Variants in LAMB1 observed in about 807,000 individuals in gnomAD.
LAMB1 encodes laminin subunit beta 1, also known as laminin subunit beta-1.
Under a neutral mutation model 222.3 loss-of-function variants are expected in LAMB1, and 121 were observed. The ratio of observed to expected loss-of-function variants is 0.54; its 90% CI spans 0.47 to 0.63. The LOEUF (loss-of-function observed/expected upper bound fraction) is 0.63, where lower values mean the gene tolerates loss of function less well. Among genes scored for constraint, LAMB1 ranks in the 30% least tolerant of loss-of-function variants. The pLI is 0.00. For synonymous variants in LAMB1, 794 were observed against 807.2 expected (o/e 0.98, Z 0.28); for missense variants, 2,172 against 2,240.8 (o/e 0.97, Z 0.62).
At position 107,973,698 on chromosome 7, in the gene LAMB1, T is replaced by C. The variant is rs184822697; in HGVS notation, c.1483-627A>G. Among the ~76,000 whole-genome samples, 198 of 152,254 alleles carry C rather than the reference T, an allele frequency of 1.3e-3. 2 individuals are homozygous for C. The highest frequency in any genetic ancestry group is 4.6e-3 in the African/African-American group (190 of 41,538). ...TCTTGCTCTGTTGCCCAGGCTGGAG[T>C]GCAGTGGTGTGATCCCAGCTCACTA... On this transcript the variant is annotated intron_variant, in intron 12 of 33. Coordinates refer to ENST00000222399, the MANE Select transcript of LAMB1 (RefSeq NM_002291.3).
chr7:107,994,200 G>A (rs766418975), intron 5 of LAMB1, among the ~76,000 whole-genome samples: 23 of 152,124 alleles, frequency 1.5e-4, no homozygotes, highest in Non-Finnish European at 1.6e-4. Flanking sequence ...TCATTTCCAG[G>A]CAGCTGCTTA....
At chr7:107,974,779 T>A (rs866473810) in intron 12 of LAMB1, among the ~76,000 whole-genome samples, 1 of 152,248 alleles carries the variant, frequency 6.6e-6, no homozygotes, top group Non-Finnish European at 1.5e-5. Flanking sequence ...GGTATTTTAT[T>A]GTGGCTTTCC....
rs147925769 is a variant in LAMB1 at position 107,931,362 on chromosome 7, A to G, written c.4531T>C (p.Leu1511=). ...RNLIKQIRNF[L]TQDSADLDSI... ...AAATGAAAAAATTTCTTACGGGTCA[A>G]AAAGTTTCTGATTTGCTTGATTAGA... is the stretch of plus-strand genomic sequence containing the variant. Residue 1511 remains leucine, a synonymous_variant, in exon 29 of 34, where the codon TTG becomes CTG. Transcript: ENST00000222399. 6.8e-6 allele frequency: 11 copies of G among 1,612,490 alleles called. No individual in the cohort carries two copies. In the South Asian group the frequency reaches 9.9e-5, roughly 15 times the overall value.
intron 4 of LAMB1, among the ~76,000 whole-genome samples, chr7:107,997,093 T>A (rs2034294127): frequency 6.6e-6 from 1 of 152,134 alleles, no homozygotes. Context: ...ACAAACCAAC[T>A]CTCCTTAGAA....
intron 21 of LAMB1, among the ~76,000 whole-genome samples, chr7:107,954,275 T>C (rs1473431615): frequency 6.6e-6 from 1 of 152,020 alleles, no homozygotes; most frequent in Non-Finnish European, 1.5e-5. Flanking sequence ...CCACTTCAGC[T>C]TTCCCAGCAG....
chr7:107,964,509 C>CA (rs760545144), intron 14 of LAMB1, 43 bp downstream of exon 14: 2 of 1,612,668 alleles, frequency 1.2e-6, no homozygotes, highest in South Asian at 2.2e-5. Context: ...CACTACACCC[C>CA]AAAACACTGC....
rs753010054 is a variant in LAMB1, at chr7:107,959,827, T to A, written c.2322A>T (p.Glu774Asp). ...AACTTAACGAACCCTGAGGGTCGCA[T>A]TCACAAGCTGTGGGTAAAGAGAGGC... ...ALLHQTGLAC[E>D]CDPQGSLSSV... Residue 774 changes from glutamate to aspartate, a missense_variant, in exon 19 of 34, where the codon GAA becomes GAT. Coordinates refer to ENST00000222399, the MANE Select transcript of LAMB1 (RefSeq NM_002291.3). 11 of 1,612,766 alleles carry A rather than the reference T, an allele frequency of 6.8e-6. No homozygotes were observed. In the South Asian group the frequency reaches 1.2e-4, roughly 18 times the overall value.
intron 5 of LAMB1, among the ~76,000 whole-genome samples, chr7:107,988,462 A>G (rs1297066408): frequency 6.6e-6 from 1 of 152,182 alleles, no homozygotes; most frequent in Non-Finnish European, 1.5e-5. Flanking sequence ...AGAAAAAAGG[A>G]ATGGGTAAGA....
At position 107,952,161 on chromosome 7, in the gene LAMB1, C is replaced by T. The variant is rs959912490; in HGVS notation, c.3142G>A (p.Asp1048Asn). ...EHCNGSDCQC[D>N]KATGQCLCLP... ...CACAAGCACTGACCAGTGGCTTTGTCGCACTGGCAGTCAGAGCCGTTACAG... is the reference window on the plus strand; with the variant it reads ...CACAAGCACTGACCAGTGGCTTTGTTGCACTGGCAGTCAGAGCCGTTACAG... The change falls in exon 23 of 34, where the codon GAC becomes AAC. Residue 1048 changes from aspartate (D) to asparagine (N), a missense_variant. By Grantham distance (23) the Asp-to-Asn change is conservative. Coordinates refer to ENST00000222399, the MANE Select transcript of LAMB1 (RefSeq NM_002291.3). 9.9e-6 allele frequency: 16 copies of T among 1,613,488 alleles called. No homozygotes were observed. The highest frequency in any genetic ancestry group is 6.7e-5 in the East Asian group (3 of 44,888).
chr7:107,999,853 T>C (rs2034350480), intron 3 of LAMB1: 1 of 141,526 alleles, frequency 7.1e-6, no homozygotes, highest in African/African-American at 2.6e-5. Flanking sequence ...CAAGAAGCAA[T>C]ACCAAGAGCC....
At chr7:107,972,947 T>C in intron 13 of LAMB1, 45 bp downstream of exon 13, 1 of 1,470,416 alleles carries the variant, frequency 6.8e-7, no homozygotes, top group Admixed American at 1.7e-5. Context: ...AGTCATGACT[T>C]TCCTGGAAGA....
intron 3 of LAMB1, among the ~76,000 whole-genome samples, chr7:108,000,846 G>C (rs1288369013): frequency 6.6e-6 from 1 of 152,224 alleles, no homozygotes; most frequent in East Asian, 1.9e-4. Flanking sequence ...CTCCCGGCCA[G>C]CCTCCTTTTT....
chr7:107,935,720 T>C (rs2032832807), intron 26 of LAMB1, 64 bp from the exon 27 acceptor site: 3 of 1,556,440 alleles, frequency 1.9e-6, no homozygotes, highest in Non-Finnish European at 2.6e-6. Context: ...CCCCAAGCAG[T>C]GTCTATATTT....
Position 107,926,338 on chromosome 7 carries a change from A to G in LAMB1, c.4909T>C (p.Ser1637Pro), listed in dbSNP as rs779594806. The G allele has an allele frequency of 1.9e-6, 3 of 1,613,826 alleles. No individual in the cohort carries two copies. In the East Asian group the frequency reaches 6.7e-5, roughly 36 times the overall value. ...LTSIESETAA[S>P]EETLFNASQR... ...GACGCGTTGAACAAGGTTTCCTCAG[A>G]AGCTGCTGTTTCAGACTCAATCTAA... The change falls in exon 32 of 34, where the codon TCT becomes CCT. Residue 1637 changes from serine (S) to proline (P), a missense_variant. Physicochemically the swap from Ser to Pro is moderately conservative, Grantham distance 74. Transcript: ENST00000222399.
intron 24 of LAMB1, chr7:107,942,685 T>C (rs1294561509): frequency 6.6e-6 from 1 of 152,196 alleles, no homozygotes; most frequent in Non-Finnish European, 1.5e-5. Flanking sequence ...ACAAAGTGCT[T>C]AGAAGAGCAT....
intron 7 of LAMB1, among the ~76,000 whole-genome samples, chr7:107,981,241 GT>G (rs1204445085): frequency 1.3e-5 from 2 of 152,168 alleles, no homozygotes; most frequent in African/African-American, 4.8e-5. Flanking sequence ...GAGGTCAGGA[GT>G]TCAAAACCAG....
At chr7:107,985,982 C>T (rs1020501487) in intron 7 of LAMB1, 40 bp downstream of exon 7, 21 of 1,473,390 alleles carry the variant, frequency 1.4e-5, no homozygotes, top group Non-Finnish European at 2.0e-5. Context: ...AACAAACAAA[C>T]AAACTAACAA....
At chr7:107,967,740 T>C (rs577778811) in intron 13 of LAMB1, among the ~76,000 whole-genome samples, 12 of 152,100 alleles carry the variant, frequency 7.9e-5, no homozygotes, top group African/African-American at 2.9e-4. Flanking sequence ...TCTGGCTAAA[T>C]GATATACAGA....
chr7:107,928,502 T>C (rs1024627503), intron 31 of LAMB1, among the ~76,000 whole-genome samples: 2 of 126,876 alleles, frequency 1.6e-5, no homozygotes, highest in Admixed American at 7.3e-5. Context: ...ATAGGAGTGC[T>C]TTTTTTTTTT....
Sources: gnomAD v4.1 joint callset for allele counts (sites outside exome capture counted in the v4.1 genomes callset) on GRCh38, gnomAD v4.1.1 for gene constraint, MANE v1.5 for transcripts, NCBI Gene and HGNC (gene_info 2026-07-23, HGNC 2026-07-21) for gene names.